The following GRIN1 variants were observed in gnomAD, a reference collection of about 807,000 sequenced individuals.
GRIN1 encodes the protein glutamate ionotropic receptor NMDA type subunit 1.
In GRIN1, 38 loss-of-function variants were observed where a neutral mutation model predicts 103.0. The ratio of observed to expected loss-of-function variants is 0.37; its 90% CI spans 0.28 to 0.48. The LOEUF is 0.48. Ranked by LOEUF, GRIN1 falls within the 20% of genes least tolerant of loss-of-function variation. GRIN1 has a pLI of 0.98. For missense variants in GRIN1, 577 were observed against 1,288.9 expected, an observed-to-expected ratio of 0.45 and a Z score of 8.46; for synonymous variants, 544 against 532.7, an observed-to-expected ratio of 1.02 and a Z score of -0.29.
rs78186763 is a variant in GRIN1 at position 137,158,898 on chromosome 9, G to A, written c.1197+194G>A. Among the ~76,000 whole-genome samples the A allele has an allele frequency of 4.2e-3, 643 of 152,328 alleles. 13 individuals are homozygous for A. The highest frequency in any genetic ancestry group is 0.042 in the East Asian group (215 of 5,180). On this transcript the variant is annotated intron_variant, in intron 8 of 19. Coordinates refer to ENST00000371561, the MANE Select transcript of GRIN1 (RefSeq NM_007327.4). ...GCAGAGAGAACAGGAGGGAGGAGAG[G>A]AAGCTGCCCCCATCCCACAGGGGGT...
At chr9:137,140,552 ACAAT>A (rs139497384) in intron 1 of GRIN1, among the ~76,000 whole-genome samples, 248 of 152,358 alleles carry the variant, frequency 1.6e-3, no homozygotes, top group East Asian at 0.011. Context: ...TCAGCATCAC[ACAAT>A]CAATTTCATA....
intron 3 of GRIN1, chr9:137,148,002 G>A (rs578171357): frequency 2.2e-5 from 8 of 362,970 alleles, no homozygotes; most frequent in Non-Finnish European, 3.1e-5. Context: ...CCCCAGCCCC[G>A]CCCCGGGCCT....
At chr9:137,163,995 G>A (rs771923304) in intron 18 of GRIN1, 91 bp downstream of exon 18, 3 of 1,447,064 alleles carry the variant, frequency 2.1e-6, no homozygotes, top group South Asian at 2.3e-5. Flanking sequence ...ACTGGCTCTG[G>A]CTCTGGTGGG....
At position 137,146,435 on chromosome 9, in the gene GRIN1, C is replaced by G. The variant is rs1031278944; in HGVS notation, c.570+533C>G. Reference sequence around the variant, plus strand: ...AGCCCTGTCCACAGACACCTGCCCCCCAGCCTGGACCGCCCCTGTGGGCTC... The same window carrying G: ...AGCCCTGTCCACAGACACCTGCCCCGCAGCCTGGACCGCCCCTGTGGGCTC... On this transcript the variant is annotated intron_variant, in intron 3 of 19. Transcript: ENST00000371561. The surrounding 1 kb of genome is among the most constrained non-coding windows in gnomAD (Gnocchi z 6.7). 3.3e-5 allele frequency among the ~76,000 whole-genome samples: 5 copies of G among 152,148 alleles called. No homozygotes were observed. The East Asian group carries it at 9.6e-4, about 29-fold the overall frequency.
chr9:137,156,717 G>T lies in GRIN1; in HGVS notation c.720G>T (p.Met240Ile). Residue 240 changes from methionine (M) to isoleucine (I), a missense_variant, in exon 5 of 20, where the codon ATG becomes ATT. By Grantham distance (10) the Met-to-Ile change is conservative (BLOSUM62 1). Transcript: ENST00000371561. Reference protein sequence around the residue: ...TVYRAAAMLNMTGSGYVWLVG... With the variant: ...TVYRAAAMLNITGSGYVWLVG... ...ACCGCGCAGCCGCGATGCTGAACATGACGGGCTCCGGGTACGTGTGGCTGG... is the reference window on the plus strand; with the variant it reads ...ACCGCGCAGCCGCGATGCTGAACATTACGGGCTCCGGGTACGTGTGGCTGG... 1 of 1,592,992 alleles carries T rather than the reference G, an allele frequency of 6.3e-7. No individual in the cohort carries two copies.
intron 4 of GRIN1, among the ~76,000 whole-genome samples, chr9:137,156,281 GAGCACAGGTGCAGGTCACA>G (rs1833211376): frequency 6.6e-6 from 1 of 152,154 alleles, no homozygotes; most frequent in Non-Finnish European, 1.5e-5. Context: ...GCGTGCTGGG[GAGCACAGGTGCAGGTCACA>G]AGAAGGAAGT....
Position 137,146,011 on chromosome 9 carries a change from T to A in GRIN1, c.570+109T>A. On this transcript the variant is annotated intron_variant, in intron 3 of 19. Coordinates refer to ENST00000371561, the MANE Select transcript of GRIN1 (RefSeq NM_007327.4). This position sits in a 1 kb window ranked among gnomAD's most constrained non-coding sequence, Gnocchi z 6.7. ...ACCCTCTTCTTTCCATCGTGCATGGTCAGCACCACCACGTCTGGCGAGCGC... is the reference window on the plus strand; with the variant it reads ...ACCCTCTTCTTTCCATCGTGCATGGACAGCACCACCACGTCTGGCGAGCGC... 1.2e-6 allele frequency: 1 copy of A among 814,466 alleles called. No homozygotes were observed. The highest frequency in any genetic ancestry group is 2.0e-6 in the Non-Finnish European group (1 of 503,534). The allele number at this position is 814,466 out of a possible 1,614,324, so 50.5% of individuals were successfully genotyped here.
At chr9:137,161,864 A>G in intron 10 of GRIN1, 60 bp from the exon 11 acceptor site, 1 of 1,526,130 alleles carries the variant, frequency 6.6e-7, no homozygotes, top group Non-Finnish European at 8.8e-7. Context: ...AGTCGGGGGT[A>G]CCTGTGGCGG....
chr9:137,167,472 C>A lies in GRIN1; in HGVS notation c.2762C>A (p.Ala921Asp). ...NQKDTVLPRR[A>D]IEREEGQLQL... ...AAAGACACAGTGCTGCCGCGACGCG[C>A]TATTGAGAGGGAGGAGGGCCAGCTG... Residue 921 changes from alanine (A) to aspartate (D), a missense_variant, in exon 20 of 20, where the codon GCT becomes GAT. By Grantham distance (126) the Ala-to-Asp change is moderately radical. Coordinates refer to ENST00000371561, the MANE Select transcript of GRIN1 (RefSeq NM_007327.4). 1 of 1,560,332 alleles carries A rather than the reference C, an allele frequency of 6.4e-7. No individual in the cohort carries two copies. The highest frequency in any genetic ancestry group is 8.7e-7 in the Non-Finnish European group (1 of 1,152,196).
chr9:137,158,545 G>T, intron 7 of GRIN1, 22 bp downstream of exon 7: 1 of 1,610,634 alleles, frequency 6.2e-7, no homozygotes, highest in Non-Finnish European at 8.5e-7. Context: ...TCATGAGGGG[G>T]TGGGGGCTGG....
In GRIN1 at chr9:137,167,909, G is replaced by A. The variant is rs905624655; in HGVS notation, c.*382G>A. ...GACACTGATGGGTCCTGCTGCTCGG[G>A]AAGGCCTGAGGGAAGCCCACCCGCC... On this transcript the variant is annotated 3_prime_UTR_variant, in exon 20 of 20. Coordinates refer to ENST00000371561, the MANE Select transcript of GRIN1 (RefSeq NM_007327.4). 10 of 1,455,124 alleles carry A rather than the reference G, an allele frequency of 6.9e-6. No homozygotes were observed. Among genetic ancestry groups the A allele is most frequent in the Non-Finnish European group, 9.5e-6 (10 of 1,048,720 alleles). 90.1% of individuals were successfully genotyped at this position (1,455,124 alleles called of 1,614,324 possible).
At position 137,144,391 on chromosome 9, in the gene GRIN1, A is replaced by G. The variant is rs868501783; in HGVS notation, c.394-1335A>G. ...CCAGGTTGGCCGGGCGCGGTGGCTC[A>G]CGCCTGTAATCCCAGCACTTTGGGA... On this transcript the variant is annotated intron_variant, in intron 2 of 19. Transcript: ENST00000371561. 6.0e-5 allele frequency among the ~76,000 whole-genome samples: 9 copies of G among 150,300 alleles called. No individual in the cohort carries two copies. In the South Asian group the frequency reaches 1.9e-3, roughly 32 times the overall value.
Position 137,139,305 on chromosome 9 carries a change from C to T in GRIN1, c.-182C>T. ...CGGCCGCGTGGGGCTGAGCCCCGAG[C>T]CCCCGCGCACGCTTCAGCGCCCCTT... On this transcript the variant is annotated 5_prime_UTR_variant, in exon 1 of 20. Transcript: ENST00000371561. This position sits in a 1 kb window ranked among gnomAD's most constrained non-coding sequence, Gnocchi z 7.7. 4.0e-6 allele frequency: 1 copy of T among 250,094 alleles called. No homozygotes were observed. Among genetic ancestry groups the T allele is most frequent in the Non-Finnish European group, 7.4e-6 (1 of 135,596 alleles). 15.5% of individuals were successfully genotyped at this position (250,094 alleles called of 1,614,324 possible). A position where few individuals can be genotyped will look rare whatever the true frequency, so the allele number is the denominator to read the frequency against.
chr9:137,162,975 G>A lies in GRIN1; in HGVS notation c.2143G>A (p.Ala715Thr). ...GGAGAAGCACAACTACGAGAGTGCG[G>A]CGGAGGCCATCCAGGCCGTGAGAGA... is the stretch of plus-strand genomic sequence containing the variant. ...HMEKHNYESA[A>T]EAIQAVRDNK... Residue 715 changes from alanine (A) to threonine (T), a missense_variant, in exon 15 of 20, where the codon GCG becomes ACG. Physicochemically the swap from Ala to Thr is moderately conservative, Grantham distance 58. This residue lies in a region of GRIN1 where 59 missense variants were observed against 161.3 expected (regional missense o/e 0.37). Coordinates refer to ENST00000371561, the MANE Select transcript of GRIN1 (RefSeq NM_007327.4). The A allele has an allele frequency of 6.2e-7, 1 of 1,605,714 alleles. No individual in the cohort carries two copies. Among genetic ancestry groups the A allele is most frequent in the Non-Finnish European group, 8.5e-7 (1 of 1,177,090 alleles).
At chr9:137,140,325 T>C (rs928897367) in intron 1 of GRIN1, among the ~76,000 whole-genome samples, 8 of 152,286 alleles carry the variant, frequency 5.3e-5, no homozygotes, top group Admixed American at 2.6e-4. Flanking sequence ...ACGTGGCTCC[T>C]GGGATTTTGC....
Position 137,146,168 on chromosome 9 carries a change from C to T in GRIN1, c.570+266C>T, listed in dbSNP as rs907158244. On this transcript the variant is annotated intron_variant, in intron 3 of 19. Transcript: ENST00000371561. The surrounding 1 kb of genome is among the most constrained non-coding windows in gnomAD (Gnocchi z 6.7). ...AACACCCCTGCCCCGCGCTGCCGAG[C>T]GCCCTCGTCCCCTCCTCCTGCCCAT... 3.3e-5 allele frequency among the ~76,000 whole-genome samples: 5 copies of T among 152,158 alleles called. No individual in the cohort carries two copies. Among genetic ancestry groups the T allele is most frequent in the Non-Finnish European group, 2.9e-5 (2 of 68,006 alleles).
Position 137,139,868 on chromosome 9 carries a change from T to C in GRIN1, c.258+124T>C, listed in dbSNP as rs976797600. 2.5e-6 allele frequency: 2 copies of C among 799,886 alleles called. No homozygotes were observed. The highest frequency in any genetic ancestry group is 2.0e-5 in the Admixed American group (1 of 51,064). The allele number at this position is 799,886 out of a possible 1,614,324, so 49.5% of individuals were successfully genotyped here. ...TGTAAGACACCACCCCAGAGTCAGC[T>C]GGCTGCTTCCGGGAGGCCTCGTCTC... On this transcript the variant is annotated intron_variant, in intron 1 of 19. Transcript: ENST00000371561. The surrounding 1 kb of genome is among the most constrained non-coding windows in gnomAD (Gnocchi z 7.7).
intron 6 of GRIN1, 67 bp from the exon 7 acceptor site, chr9:137,158,312 G>A: frequency 2.6e-6 from 4 of 1,546,980 alleles, no homozygotes; most frequent in South Asian, 1.1e-5. Flanking sequence ...AGCAGCAGGG[G>A]GAAGGAGCAG....
intron 4 of GRIN1, among the ~76,000 whole-genome samples, chr9:137,149,397 G>A (rs926178947): frequency 3.3e-5 from 5 of 152,234 alleles, no homozygotes; most frequent in East Asian, 1.9e-4. Context: ...AAGAGACCCT[G>A]CCCTTGGGAA....
Sources: gnomAD v4.1 joint callset for allele counts (sites outside exome capture counted in the v4.1 genomes callset) on GRCh38, gnomAD v4.1.1 for gene constraint, gnomAD v4.1.1 regional missense constraint, Gnocchi (gnomAD v3.1) non-coding constraint, MANE v1.5 for transcripts, NCBI Gene and HGNC (gene_info 2026-07-23, HGNC 2026-07-21) for gene names.